The following MORN1 variants were observed in gnomAD, a reference collection of about 807,000 sequenced individuals.
MORN1 encodes the protein MORN repeat containing 1.
A neutral mutation model predicts 61.9 loss-of-function variants in MORN1; 67 were observed. The ratio of observed to expected loss-of-function variants is 1.08; its 90% CI spans 0.89 to 1.33. The LOEUF (loss-of-function observed/expected upper bound fraction) is 1.33, where lower values mean the gene tolerates loss of function less well. Among genes scored for constraint, MORN1 ranks in the 40% most tolerant of loss-of-function variants. The pLI, the probability that MORN1 is intolerant of heterozygous loss-of-function variation, is 0.00. For missense variants in MORN1, 752 were observed against 691.2 expected (o/e 1.09, Z -0.99); for synonymous variants, 301 against 292.0 (o/e 1.03, Z -0.31).
At chr1:2,383,326 C>A (rs1320377499) in intron 6 of MORN1, among the ~76,000 whole-genome samples, 1 of 152,220 alleles carries the variant, frequency 6.6e-6, no homozygotes, top group Non-Finnish European at 1.5e-5. Context: ...CAAGCGTCTC[C>A]TGCACCTCAG....
intron 12 of MORN1, among the ~76,000 whole-genome samples, chr1:2,328,341 C>T (rs1232067513): frequency 1.3e-5 from 2 of 152,218 alleles, no homozygotes; most frequent in African/African-American, 4.8e-5. Context: ...TGGAGAAGGG[C>T]GCCCACTGGT....
In MORN1 at chr1:2,372,306, C is replaced by T; in HGVS notation, c.745+175G>A. On this transcript the variant is annotated intron_variant, in intron 8 of 13. Coordinates refer to ENST00000378531, the MANE Select transcript of MORN1 (RefSeq NM_024848.3). The surrounding 1 kb of genome is among the most constrained non-coding windows in gnomAD (Gnocchi z 5.4). Reference sequence around the variant, plus strand: ...GCTTGCACACACACCCAAGGCTGCCCTGACTGGCAGGGAAGCTGGCACACC... The same window carrying T: ...GCTTGCACACACACCCAAGGCTGCCTTGACTGGCAGGGAAGCTGGCACACC... 1 of 590,970 alleles carries T rather than the reference C, an allele frequency of 1.7e-6. No homozygotes were observed. Among genetic ancestry groups the T allele is most frequent in the East Asian group, 2.9e-5 (1 of 34,702 alleles). The allele number at this position is 590,970 out of a possible 1,614,324, so 36.6% of individuals were successfully genotyped here.
rs150033759 is a variant in MORN1, at chr1:2,372,524, C to A, written c.702G>T (p.Ser234=). Residue 234 remains serine, a synonymous_variant, in exon 8 of 14, where the codon TCG becomes TCT. Transcript: ENST00000378531. The surrounding 1 kb of genome is among the most constrained non-coding windows in gnomAD (Gnocchi z 5.4). ...GGTCCTGCAGCAGCTGAACGTTCACCGAGAAGGGAGACCCTTGGGCCACTT... is the reference window on the plus strand; with the variant it reads ...GGTCCTGCAGCAGCTGAACGTTCACAGAGAAGGGAGACCCTTGGGCCACTT... The part of the protein sequence containing the change: ...VMEVAQGSPF[S]VNVQLLQDHG... 2.8e-5 allele frequency: 45 copies of A among 1,614,018 alleles called. No homozygotes were observed. The East Asian group carries it at 8.7e-4, about 31-fold the overall frequency.
At chr1:2,374,579 T>A in intron 6 of MORN1, 22 bp from the exon 7 acceptor site, 1 of 1,567,680 alleles carries the variant, frequency 6.4e-7, no homozygotes, top group South Asian at 1.2e-5. Context: ...AGGGTGAGGC[T>A]CAGGCTGGTG....
intron 13 of MORN1, 47 bp downstream of exon 13, chr1:2,324,050 C>A: frequency 6.4e-7 from 1 of 1,565,358 alleles, no homozygotes; most frequent in Non-Finnish European, 8.6e-7. Flanking sequence ...CCTCGCCTCT[C>A]CAGACAGTGG....
intron 2 of MORN1, 45 bp downstream of exon 2, chr1:2,389,880 G>C (rs1570061201): frequency 6.3e-7 from 1 of 1,576,574 alleles, no homozygotes; most frequent in Non-Finnish European, 8.7e-7. Context: ...GGTTTCGTCA[G>C]CTGTGGGGCA....
intron 6 of MORN1, chr1:2,377,114 C>G (rs1171621345): frequency 1.3e-5 from 2 of 152,478 alleles, no homozygotes; most frequent in East Asian, 3.9e-4. Context: ...TTGCCACCTG[C>G]TCACCCTCCT....
At chr1:2,348,853 G>A (rs568226746) in intron 10 of MORN1, among the ~76,000 whole-genome samples, 24 of 152,000 alleles carry the variant, frequency 1.6e-4, no homozygotes, top group South Asian at 4.1e-4. Flanking sequence ...GCGCGGGCAC[G>A]CACAGTCATG....
chr1:2,321,752 C>G (rs938549558), intron 13 of MORN1, among the ~76,000 whole-genome samples, 173 bp from the exon 14 acceptor site: 1 of 152,154 alleles, frequency 6.6e-6, no homozygotes, highest in Admixed American at 6.5e-5. Flanking sequence ...GGCCACCGGA[C>G]CGGTCCTGGG....
rs1172016557 is a variant in MORN1 at position 2,374,469 on chromosome 1, T to G, written c.626A>C (p.His209Pro). The G allele has an allele frequency of 4.4e-6, 7 of 1,592,672 alleles. No individual in the cohort carries two copies. The highest frequency in any genetic ancestry group is 5.1e-6 in the Non-Finnish European group (6 of 1,170,258). Residue 209 changes from histidine (H) to proline (P), a missense_variant, in exon 7 of 14, where the codon CAC becomes CCC. By Grantham distance (77) the His-to-Pro change is moderately conservative. Transcript: ENST00000378531. ...VTYYGLWING[H>P]PAEQATRIVI... ...AAGGCAGGGACACCTACCTGCTGGG[T>G]GGCCATTGATCCACAACCCATAATA...
At chr1:2,361,295 A>G (rs1381336120) in intron 8 of MORN1, among the ~76,000 whole-genome samples, 2 of 146,914 alleles carry the variant, frequency 1.4e-5, no homozygotes, top group African/African-American at 2.6e-5. Context: ...AGTGACTCAC[A>G]CCCGTAATCC....
chr1:2,324,656 G>C (rs1640960758), intron 12 of MORN1, among the ~76,000 whole-genome samples: 1 of 152,176 alleles, frequency 6.6e-6, no homozygotes, highest in African/African-American at 2.4e-5. Context: ...CCATGACTGG[G>C]AAAGGAGAGG....
At position 2,372,399 on chromosome 1, in the gene MORN1, C is replaced by T. The variant is rs528644638; in HGVS notation, c.745+82G>A. The T allele has an allele frequency of 1.8e-3, 1,876 of 1,071,832 alleles. 2 individuals carry two copies. The highest frequency in any genetic ancestry group is 2.3e-3 in the Non-Finnish European group (1,677 of 735,578). 66.4% of individuals were successfully genotyped at this position (1,071,832 alleles called of 1,614,324 possible). ...GCCTCAGGAGCCACATGCAACATCT[C>T]GTCCGCATCTTCACTGCTTAAGAAC... On this transcript the variant is annotated intron_variant, in intron 8 of 13. Transcript: ENST00000378531. The surrounding 1 kb of genome is among the most constrained non-coding windows in gnomAD (Gnocchi z 5.4).
chr1:2,324,948 G>T (rs1424820138), intron 12 of MORN1, among the ~76,000 whole-genome samples: 1 of 147,320 alleles, frequency 6.8e-6, no homozygotes, highest in Non-Finnish European at 1.5e-5. Flanking sequence ...CTGGCGGGGA[G>T]GAGGCAGTCC....
intron 12 of MORN1, chr1:2,326,249 C>T (rs1641023500): frequency 6.6e-6 from 1 of 152,182 alleles, no homozygotes; most frequent in Non-Finnish European, 1.5e-5. Context: ...GGAGAACAGG[C>T]TTTGCCGGAC....
chr1:2,378,625 C>G (rs1468656095), intron 6 of MORN1: 1 of 289,522 alleles, frequency 3.5e-6, no homozygotes, highest in Non-Finnish European at 6.8e-6. Context: ...CACGGCGCAG[C>G]TGATACAGCC....
chr1:2,339,668 T>C (rs1353615126), intron 10 of MORN1, among the ~76,000 whole-genome samples: 3 of 151,548 alleles, frequency 2.0e-5, no homozygotes, highest in Non-Finnish European at 4.4e-5. Flanking sequence ...ACCGAGTCGC[T>C]GGCACTGCCC....
At chr1:2,360,358 C>A (rs1641868139) in intron 8 of MORN1, among the ~76,000 whole-genome samples, 1 of 152,160 alleles carries the variant, frequency 6.6e-6, no homozygotes, top group African/African-American at 2.4e-5. Flanking sequence ...AGAAAGCCGA[C>A]AAAGTGCAAT....
rs368297791 is a variant in MORN1, at chr1:2,372,619, C to T, written c.635-28G>A. 31 of 1,574,168 alleles carry T rather than the reference C, an allele frequency of 2.0e-5. No individual in the cohort carries two copies. Among genetic ancestry groups the T allele is most frequent in the Middle Eastern group, 3.4e-4 (2 of 5,968 alleles). ...GGGAGAGGACAGAGTGTGGCTTTAGCGGTGACTGGCATGGTCCCCCACCCA... is the reference window on the plus strand; with the variant it reads ...GGGAGAGGACAGAGTGTGGCTTTAGTGGTGACTGGCATGGTCCCCCACCCA... On this transcript the variant is annotated intron_variant, in intron 7 of 13. Transcript: ENST00000378531. The surrounding 1 kb of genome is among the most constrained non-coding windows in gnomAD (Gnocchi z 5.4).
Sources: gnomAD v4.1 joint callset for allele counts (sites outside exome capture counted in the v4.1 genomes callset) on GRCh38, gnomAD v4.1.1 for gene constraint, Gnocchi (gnomAD v3.1) non-coding constraint, MANE v1.5 for transcripts, NCBI Gene and HGNC (gene_info 2026-07-23, HGNC 2026-07-21) for gene names.